Variants in NCOA6 observed in about 807,000 individuals in gnomAD.
NCOA6 encodes the protein NRC RAP250.
Under a neutral mutation model 171.4 loss-of-function variants are expected in NCOA6, and 49 were observed. That is an observed-to-expected ratio of 0.29 (90% CI 0.23 to 0.36). The LOEUF is 0.36. Among genes scored for constraint, NCOA6 ranks in the 10% least tolerant of loss-of-function variants. The probability of loss-of-function intolerance (pLI) is 1.00; values close to 1 mark genes in which losing one functional copy is unlikely to be tolerated. For missense variants in NCOA6, 2,248 were observed against 2,554.5 expected, an observed-to-expected ratio of 0.88 and a Z score of 2.59; for synonymous variants, 910 against 927.5, an observed-to-expected ratio of 0.98 and a Z score of 0.34.
intron 1 of NCOA6, among the ~76,000 whole-genome samples, chr20:34,822,959 T>C (rs1407531744): frequency 2.6e-5 from 4 of 152,246 alleles, no homozygotes. Flanking sequence ...CTTTATATCA[T>C]ACTACAATTG....
intron 14 of NCOA6, among the ~76,000 whole-genome samples, chr20:34,720,148 T>G (rs780067016): frequency 3.3e-5 from 5 of 152,350 alleles, no homozygotes; most frequent in Non-Finnish European, 5.9e-5. Flanking sequence ...TTTTTCCCAG[T>G]TGAAAATATA....
At chr20:34,746,121 G>A (rs1231738512) in intron 10 of NCOA6, among the ~76,000 whole-genome samples, 2 of 152,106 alleles carry the variant, frequency 1.3e-5, no homozygotes, top group Non-Finnish European at 2.9e-5. Flanking sequence ...GAAGCCCCAG[G>A]AAGAAACGCT....
At chr20:34,720,960 C>T (rs144933116) in intron 14 of NCOA6, among the ~76,000 whole-genome samples, 2,067 of 152,252 alleles carry the variant, frequency 0.014, 43 homozygotes, top group African/African-American at 0.048. Context: ...AAAAGAGCTA[C>T]AGTACTCATT....
At chr20:34,751,253 C>T (rs552150507) in intron 8 of NCOA6, among the ~76,000 whole-genome samples, 9 of 148,792 alleles carry the variant, frequency 6.0e-5, no homozygotes, top group South Asian at 4.3e-4. Context: ...GCCTGTAGTC[C>T]CAGCTACTCG....
chr20:34,754,910 T>A lies in NCOA6; in HGVS notation c.1529-42A>T, dbSNP rs368039395. The stretch of plus-strand genomic sequence containing the variant: ...GAGTAAGGCAGTTACCTAGCAAATT[T>A]ATACTCTTGCTTAGATATGGAATGA... On this transcript the variant is annotated intron_variant, in intron 7 of 14. Transcript: ENST00000359003. 5 of 1,604,522 alleles carry A rather than the reference T, an allele frequency of 3.1e-6. No homozygotes were observed. In the African/African-American group the frequency reaches 6.7e-5, roughly 21 times the overall value.
intron 10 of NCOA6, among the ~76,000 whole-genome samples, chr20:34,743,808 A>AT (rs2076223846): frequency 6.6e-6 from 1 of 152,214 alleles, no homozygotes; most frequent in Non-Finnish European, 1.5e-5. Flanking sequence ...CACAGGAATA[A>AT]TTTTTTTAAG....
At chr20:34,747,067 G>C (rs536343320) in intron 9 of NCOA6, 139 bp from the exon 10 acceptor site, 1 of 871,182 alleles carries the variant, frequency 1.1e-6, no homozygotes, top group Non-Finnish European at 1.6e-6. Flanking sequence ...CTCTAGTCTA[G>C]ATAAAATATT....
intron 14 of NCOA6, among the ~76,000 whole-genome samples, chr20:34,718,715 A>G (rs896635015): frequency 6.6e-6 from 1 of 152,210 alleles, no homozygotes; most frequent in Non-Finnish European, 1.5e-5. Flanking sequence ...CATGTTGGCC[A>G]GGCTGATCTC....
intron 10 of NCOA6, among the ~76,000 whole-genome samples, chr20:34,745,750 G>A (rs908900069): frequency 3.3e-5 from 5 of 152,172 alleles, no homozygotes; most frequent in Admixed American, 6.5e-5. Flanking sequence ...ATCTTCAACC[G>A]TGTCATAGGG....
rs2077530286 is a variant in NCOA6, at chr20:34,782,125, G to T, written c.231C>A (p.His77Gln). ...AAAATAATTAAAGCAAATTACCCATGTGTAACAAATTGGGCACGTTTTTCA... is the reference window on the plus strand; with the variant it reads ...AAAATAATTAAAGCAAATTACCCATTTGTAACAAATTGGGCACGTTTTTCA... The part of the protein sequence containing the change: ...AILKNVPNLL[H>Q]MESSKLKVQK... The change falls in exon 3 of 15, where the codon CAC (histidine) becomes CAA (glutamine). Residue 77 changes from histidine to glutamine, a missense_variant. Physicochemically the swap from His to Gln is conservative, Grantham distance 24 (BLOSUM62 0). Transcript: ENST00000359003. 2.5e-6 allele frequency: 4 copies of T among 1,573,008 alleles called. No homozygotes were observed. Among genetic ancestry groups the T allele is most frequent in the Non-Finnish European group, 3.5e-6 (4 of 1,150,584 alleles).
Position 34,726,741 on chromosome 20 carries a change from C to A in NCOA6, c.6148+518G>T, listed in dbSNP as rs551247123. Among the ~76,000 whole-genome samples the A allele has an allele frequency of 7.3e-5, 11 of 151,396 alleles. No homozygotes were observed. The East Asian group carries it at 1.9e-3, about 27-fold the overall frequency. ...CGGAGGTTACAGTAAGCTGAGATCA[C>A]GCCACTGCACTCCAGCCTGGGCAAC... On this transcript the variant is annotated intron_variant, in intron 14 of 14. Coordinates refer to ENST00000359003, the MANE Select transcript of NCOA6 (RefSeq NM_014071.5).
chr20:34,737,926 C>A (rs1274416373), intron 11 of NCOA6, among the ~76,000 whole-genome samples: 1 of 152,142 alleles, frequency 6.6e-6, no homozygotes, highest in Non-Finnish European at 1.5e-5. Context: ...TGAGACAGAG[C>A]CTTGCTCTGT....
At position 34,750,044 on chromosome 20, in the gene NCOA6, C is replaced by CA; in HGVS notation, c.2150dup (p.Met717IlefsTer9). The CA allele has an allele frequency of 6.2e-7, 1 of 1,614,224 alleles. No individual in the cohort carries two copies. The highest frequency in any genetic ancestry group is 8.5e-7 in the Non-Finnish European group (1 of 1,180,042). On this transcript the variant is annotated frameshift_variant, in exon 9 of 15. Transcript: ENST00000359003. LOFTEE classifies it high-confidence loss of function. ...GCTTATTCCCCTGCATTTGATTGGT[C>CA]ATAATCTGCTCTATCATTGGGTTCT...
At chr20:34,770,215 T>C (rs1478172701) in intron 4 of NCOA6, among the ~76,000 whole-genome samples, 1 of 152,154 alleles carries the variant, frequency 6.6e-6, no homozygotes. Flanking sequence ...AATTTTTGTA[T>C]TTTTAGTAGA....
At chr20:34,787,113 C>G (rs1478457072) in intron 2 of NCOA6, among the ~76,000 whole-genome samples, 1 of 136,864 alleles carries the variant, frequency 7.3e-6, no homozygotes, top group Non-Finnish European at 1.6e-5. Flanking sequence ...GAAACTTAAA[C>G]AAATTTATGA....
chr20:34,719,161 G>A (rs1170419930), intron 14 of NCOA6, among the ~76,000 whole-genome samples: 1 of 152,104 alleles, frequency 6.6e-6, no homozygotes, highest in East Asian at 1.9e-4. Flanking sequence ...CAGCCTGGTT[G>A]CCTCATTTTG....
chr20:34,810,897 G>C (rs1568891167), intron 1 of NCOA6, among the ~76,000 whole-genome samples: 1 of 151,808 alleles, frequency 6.6e-6, no homozygotes. Flanking sequence ...TTTCAATGTA[G>C]ACATATGTCA....
intron 4 of NCOA6, among the ~76,000 whole-genome samples, chr20:34,772,241 G>GAA (rs2077172290): frequency 6.6e-6 from 1 of 151,810 alleles, no homozygotes. Flanking sequence ...TTAAGCCCAG[G>GAA]AGGCCGGGGC....
At chr20:34,778,908 G>A (rs1220091495) in intron 3 of NCOA6, among the ~76,000 whole-genome samples, 4 of 142,920 alleles carry the variant, frequency 2.8e-5, no homozygotes, top group Non-Finnish European at 6.0e-5. Flanking sequence ...GCAGAGAGCC[G>A]AGATCGCACC....
Sources: gnomAD v4.1 joint callset for allele counts (sites outside exome capture counted in the v4.1 genomes callset) on GRCh38, gnomAD v4.1.1 for gene constraint, MANE v1.5 for transcripts, NCBI Gene and HGNC (gene_info 2026-07-23, HGNC 2026-07-21) for gene names.